The following FYB1 variants were observed in gnomAD, a reference collection of about 807,000 sequenced individuals.
The protein encoded by FYB1 is FYN binding protein 1.
A neutral mutation model predicts 94.1 loss-of-function variants in FYB1; 41 were observed. The observed-to-expected ratio is 0.44, with a 90% confidence interval of 0.34 to 0.57. The LOEUF (loss-of-function observed/expected upper bound fraction) is 0.57. FYB1 is among the 20% of genes least tolerant of loss of function. The pLI is 0.02. For synonymous variants in FYB1, 367 were observed against 353.2 expected, an observed-to-expected ratio of 1.04 and a Z score of -0.44; for missense variants, 1,050 against 976.8, an observed-to-expected ratio of 1.07 and a Z score of -1.00.
At chr5:39,270,590 A>G (rs1157310904) in intron 1 of FYB1, 2 of 1,535,102 alleles carry the variant, frequency 1.3e-6, no homozygotes, top group Non-Finnish European at 1.7e-6. Flanking sequence ...AAAAGAGTTG[A>G]TATGCCTGGC....
chr5:39,137,871 G>T, intron 6 of FYB1, 151 bp from the exon 7 acceptor site: 1 of 970,780 alleles, frequency 1.0e-6, no homozygotes, highest in African/African-American at 1.7e-5. Flanking sequence ...TCCGGAATGT[G>T]TGAGATTATT....
chr5:39,237,904 C>A (rs1275435906), intron 1 of FYB1, among the ~76,000 whole-genome samples: 1 of 152,090 alleles, frequency 6.6e-6, no homozygotes, highest in Non-Finnish European at 1.5e-5. Flanking sequence ...TCGTATGAAC[C>A]TGTTTCAATC....
chr5:39,121,645 GTATT>G (rs1411861303), intron 14 of FYB1, among the ~76,000 whole-genome samples: 1 of 151,888 alleles, frequency 6.6e-6, no homozygotes, highest in African/African-American at 2.4e-5. Context: ...ATCATTTCAT[GTATT>G]TATTGGATTA....
chr5:39,241,138 A>G (rs948537603), intron 1 of FYB1, among the ~76,000 whole-genome samples: 13 of 152,062 alleles, frequency 8.5e-5, no homozygotes, highest in African/African-American at 2.9e-4. Context: ...GGACTCAAAG[A>G]AGGGAACAAT....
chr5:39,127,656 C>A (rs761428216), intron 11 of FYB1, 85 bp downstream of exon 11: 1 of 1,406,292 alleles, frequency 7.1e-7, no homozygotes, highest in East Asian at 2.8e-5. Context: ...CACTATTTTC[C>A]GCTTTTTATT....
intron 2 of FYB1, among the ~76,000 whole-genome samples, chr5:39,156,429 C>T (rs1561188294): frequency 1.3e-5 from 2 of 152,094 alleles, no homozygotes; most frequent in African/African-American, 4.8e-5. Flanking sequence ...GAGAGTGCAG[C>T]AAAACCAGAG....
At chr5:39,154,229 C>T (rs757509497) in intron 2 of FYB1, among the ~76,000 whole-genome samples, 21 of 152,176 alleles carry the variant, frequency 1.4e-4, no homozygotes, top group Non-Finnish European at 2.9e-4. Context: ...GTTCTATCTG[C>T]TAAATAGTGA....
intron 18 of FYB1, among the ~76,000 whole-genome samples, chr5:39,107,751 C>T (rs575240043): frequency 1.3e-5 from 2 of 151,878 alleles, no homozygotes; most frequent in East Asian, 3.9e-4. Flanking sequence ...TCACTCTGAA[C>T]GAGGTTGAAG....
intron 1 of FYB1, among the ~76,000 whole-genome samples, chr5:39,213,476 T>A (rs1168651854): frequency 6.6e-6 from 1 of 152,218 alleles, no homozygotes; most frequent in East Asian, 1.9e-4. Flanking sequence ...TGATAACATT[T>A]GTCCTACTTA....
intron 3 of FYB1, among the ~76,000 whole-genome samples, chr5:39,146,595 A>T (rs1316342191): frequency 6.6e-6 from 1 of 152,206 alleles, no homozygotes; most frequent in Non-Finnish European, 1.5e-5. Context: ...TGTTAAATCA[A>T]AAAGACCACC....
chr5:39,109,971 A>T (rs148367896), intron 17 of FYB1, among the ~76,000 whole-genome samples: 1 of 152,280 alleles, frequency 6.6e-6, no homozygotes, highest in African/African-American at 2.4e-5. Flanking sequence ...ATTAGCACCT[A>T]CTATGAAGTC....
chr5:39,244,121 A>G (rs1751352366), intron 1 of FYB1, among the ~76,000 whole-genome samples: 1 of 152,066 alleles, frequency 6.6e-6, no homozygotes, highest in Admixed American at 6.5e-5. Context: ...TTCCTAATTG[A>G]ATACCCTTTA....
At chr5:39,235,628 G>A (rs1448405033) in intron 1 of FYB1, among the ~76,000 whole-genome samples, 1 of 150,936 alleles carries the variant, frequency 6.6e-6, no homozygotes, top group Non-Finnish European at 1.5e-5. Flanking sequence ...TATAGGAGCT[G>A]CCATTTTTAT....
intron 1 of FYB1, among the ~76,000 whole-genome samples, chr5:39,249,484 C>T (rs1751624892): frequency 6.6e-6 from 1 of 152,104 alleles, no homozygotes; most frequent in Non-Finnish European, 1.5e-5. Flanking sequence ...AGTTTGCTGA[C>T]CCCTGCACTT....
At chr5:39,147,975 C>T (rs1319503216) in intron 3 of FYB1, among the ~76,000 whole-genome samples, 2 of 149,468 alleles carry the variant, frequency 1.3e-5, no homozygotes, top group South Asian at 2.1e-4. Flanking sequence ...CCACCGCGCC[C>T]GGCAAGTCCA....
intron 3 of FYB1, among the ~76,000 whole-genome samples, chr5:39,150,744 T>C (rs891392895): frequency 6.6e-6 from 1 of 152,194 alleles, no homozygotes; most frequent in Non-Finnish European, 1.5e-5. Context: ...ACCCAACATA[T>C]GGACACTTCT....
intron 11 of FYB1, 145 bp from the exon 12 acceptor site, chr5:39,126,280 A>T (rs1740660651): frequency 2.4e-6 from 2 of 847,656 alleles, no homozygotes; most frequent in Middle Eastern, 2.3e-4. Context: ...ATTGGACAAA[A>T]TAGTGTTATT....
At chr5:39,250,841 A>G (rs1258220380) in intron 1 of FYB1, 1 of 152,210 alleles carries the variant, frequency 6.6e-6, no homozygotes, top group East Asian at 1.9e-4. Flanking sequence ...ATTTCAGGAT[A>G]AGGAAAAACA....
chr5:39,150,440 G>C (rs1204553277), intron 3 of FYB1, among the ~76,000 whole-genome samples: 1 of 152,032 alleles, frequency 6.6e-6, no homozygotes, highest in Non-Finnish European at 1.5e-5. Flanking sequence ...AGTTCTTTTT[G>C]TTTATAAAGC....
Sources: gnomAD v4.1 joint callset for allele counts (sites outside exome capture counted in the v4.1 genomes callset) on GRCh38, gnomAD v4.1.1 for gene constraint, MANE v1.5 for transcripts, NCBI Gene and HGNC (gene_info 2026-07-23, HGNC 2026-07-21) for gene names.